DNAJC16: variants seen among roughly 807,000 people sequenced by gnomAD.
DNAJC16 encodes DnaJ heat shock protein family (Hsp40) member C16, also known as dnaJ homolog subfamily C member 16.
DNAJC16 carries 76 observed loss-of-function variants against 92.7 expected under a neutral mutation model. That is an observed-to-expected ratio of 0.82 (90% CI 0.68 to 0.99). The LOEUF (loss-of-function observed/expected upper bound fraction) is 0.99. Among genes scored for constraint, DNAJC16 ranks in the 50% least tolerant of loss-of-function variants. The pLI is 0.00. For synonymous variants in DNAJC16, 328 were observed against 358.7 expected (o/e 0.91, Z 0.97); for missense variants, 869 against 942.4 (o/e 0.92, Z 1.02).
intron 4 of DNAJC16, among the ~76,000 whole-genome samples, chr1:15,537,922 A>G (rs1710832092): frequency 6.6e-6 from 1 of 152,160 alleles, no homozygotes. Context: ...AAACTCACAT[A>G]AGAAACATAC....
rs1040734909 is a variant in DNAJC16 at position 15,534,434 on chromosome 1, A to C, written c.234+131A>C. ...TGATGCAGTTTCTAGATTATAATAG[A>C]GAGAACAGGCTGGATGCGGTGGCTC... On this transcript the variant is annotated intron_variant, in intron 3 of 14. Coordinates refer to ENST00000375847, the MANE Select transcript of DNAJC16 (RefSeq NM_015291.4). The C allele has an allele frequency of 8.5e-6, 8 of 939,448 alleles. No homozygotes were observed. In the African/African-American group the frequency reaches 1.4e-4, roughly 16 times the overall value. The allele number at this position is 939,448 out of a possible 1,614,324, so 58.2% of individuals were successfully genotyped here.
chr1:15,561,433 C>T (rs1638688123), intron 8 of DNAJC16, among the ~76,000 whole-genome samples: 1 of 152,132 alleles, frequency 6.6e-6, no homozygotes, highest in Non-Finnish European at 1.5e-5. Context: ...GCCTATAATC[C>T]CAGCACTTTG....
chr1:15,544,851 CTG>C (rs1638256032), intron 5 of DNAJC16, among the ~76,000 whole-genome samples: 1 of 152,158 alleles, frequency 6.6e-6, no homozygotes, highest in Non-Finnish European at 1.5e-5. Flanking sequence ...TCATAGGAAT[CTG>C]AGCCTAAAAT....
intron 6 of DNAJC16, among the ~76,000 whole-genome samples, chr1:15,547,386 C>G (rs1192971501): frequency 6.7e-6 from 1 of 150,370 alleles, no homozygotes; most frequent in Non-Finnish European, 1.5e-5. Flanking sequence ...GACCTTGTGA[C>G]CCACCTGCCT....
chr1:15,538,374 G>A (rs1188726805), intron 4 of DNAJC16, among the ~76,000 whole-genome samples: 2 of 151,030 alleles, frequency 1.3e-5, no homozygotes, highest in African/African-American at 4.9e-5. Flanking sequence ...CAGCCTGGGT[G>A]ACAGAGCGAG....
chr1:15,545,276 A>G (rs1275996974), intron 5 of DNAJC16, among the ~76,000 whole-genome samples: 1 of 152,242 alleles, frequency 6.6e-6, no homozygotes, highest in Non-Finnish European at 1.5e-5. Flanking sequence ...GTGAACATAA[A>G]AAATTTTCAT....
intron 5 of DNAJC16, among the ~76,000 whole-genome samples, chr1:15,545,704 A>G (rs1417142257): frequency 6.6e-6 from 1 of 152,244 alleles, no homozygotes; most frequent in Non-Finnish European, 1.5e-5. Flanking sequence ...AGGGCCTCAG[A>G]GCACCTTCAC....
chr1:15,529,991 G>C (rs1437831122), intron 2 of DNAJC16, among the ~76,000 whole-genome samples: 1 of 151,962 alleles, frequency 6.6e-6, no homozygotes, highest in Non-Finnish European at 1.5e-5. Context: ...AAAAAAGTCT[G>C]TACATGTTCA....
intron 6 of DNAJC16, among the ~76,000 whole-genome samples, 162 bp downstream of exon 6, chr1:15,547,033 C>T (rs1026853249): frequency 6.7e-6 from 1 of 149,326 alleles, no homozygotes; most frequent in Non-Finnish European, 1.5e-5. Context: ...AGAAATTTTA[C>T]ATAACCATCA....
At chr1:15,539,467 C>T (rs1358532917) in intron 4 of DNAJC16, among the ~76,000 whole-genome samples, 1 of 151,792 alleles carries the variant, frequency 6.6e-6, no homozygotes, top group Non-Finnish European at 1.5e-5. Flanking sequence ...AGGATGGTCT[C>T]GATCTCCTGA....
At chr1:15,554,069 G>A (rs535462093) in intron 7 of DNAJC16, among the ~76,000 whole-genome samples, 5 of 152,010 alleles carry the variant, frequency 3.3e-5, no homozygotes, top group Non-Finnish European at 5.9e-5. Context: ...TGGGTGTGGT[G>A]GTACACACCT....
In DNAJC16 at chr1:15,544,697, A is replaced by C. The variant is rs184214041; in HGVS notation, c.759+114A>C. The C allele has an allele frequency of 5.1e-6, 5 of 971,402 alleles. No individual in the cohort carries two copies. The East Asian group carries it at 9.9e-5, about 19-fold the overall frequency. 60.2% of individuals were successfully genotyped at this position (971,402 alleles called of 1,614,324 possible). ...CTCAAACCTGAGTTTCATTGTGAGG[A>C]AGGCATGACACTTATTAATTAATTA... On this transcript the variant is annotated intron_variant, in intron 5 of 14. Transcript: ENST00000375847.
intron 7 of DNAJC16, among the ~76,000 whole-genome samples, chr1:15,553,565 A>G (rs746858968): frequency 6.6e-6 from 1 of 152,202 alleles, no homozygotes; most frequent in African/African-American, 2.4e-5. Context: ...CTCACATTTT[A>G]AAATTATTTA....
In DNAJC16 at chr1:15,568,711, T is replaced by G. The variant is rs1463351408; in HGVS notation, c.*534T>G. On this transcript the variant is annotated 3_prime_UTR_variant, in exon 15 of 15. Coordinates refer to ENST00000375847, the MANE Select transcript of DNAJC16 (RefSeq NM_015291.4). ...CAAGCAATCTCACGTTTACTGGTTG[T>G]TCTGGGAGTAAGTGGCTAAATGTAT... The G allele has an allele frequency of 5.0e-6, 2 of 398,936 alleles. No individual in the cohort carries two copies. Among genetic ancestry groups the G allele is most frequent in the African/African-American group, 4.1e-5 (2 of 48,636 alleles). The allele number at this position is 398,936 out of a possible 1,614,324, so 24.7% of individuals were successfully genotyped here.
rs779580189 is a variant in DNAJC16, at chr1:15,567,852, C to G, written c.2024C>G (p.Ala675Gly). 6.2e-7 allele frequency: 1 copy of G among 1,614,198 alleles called. No homozygotes were observed. Among genetic ancestry groups the G allele is most frequent in the Non-Finnish European group, 8.5e-7 (1 of 1,180,028 alleles). Residue 675 changes from alanine (A) to glycine (G), a missense_variant, in exon 15 of 15, where the codon GCT becomes GGT. By Grantham distance (60) the Ala-to-Gly change is moderately conservative (BLOSUM62 0). Coordinates refer to ENST00000375847, the MANE Select transcript of DNAJC16 (RefSeq NM_015291.4). ...TGGCTAGAATACTTACTAGAATTTG[C>G]TCAAGATGCAGCTCCAATCCCAAAC... ...REWLEYLLEF[A>G]QDAAPIPNQY...
rs1441613048 is a variant in DNAJC16, at chr1:15,548,403, T to C, written c.998T>C (p.Ile333Thr). Residue 333 changes from isoleucine to threonine, a missense_variant, in exon 7 of 15, where the codon ATA (isoleucine) becomes ACA (threonine). Transcript: ENST00000375847. ...APTLLVFKEH[I>T]NRPADVIQAR... ...ACCCTCTTGGTCTTTAAAGAACATATAAACAGGCCTGCCGATGTTATCCAG... is the reference window on the plus strand; with the variant it reads ...ACCCTCTTGGTCTTTAAAGAACATACAAACAGGCCTGCCGATGTTATCCAG... 2 of 1,613,660 alleles carry C rather than the reference T, an allele frequency of 1.2e-6. No homozygotes were observed. Among genetic ancestry groups the C allele is most frequent in the South Asian group, 2.2e-5 (2 of 90,980 alleles).
At chr1:15,562,405 T>A in intron 9 of DNAJC16, 80 bp downstream of exon 9, 1 of 1,366,212 alleles carries the variant, frequency 7.3e-7, no homozygotes. Flanking sequence ...TCCTTGAGAG[T>A]GTTGAATACA....
In DNAJC16 at chr1:15,567,417, G is replaced by A. The variant is rs567835323; in HGVS notation, c.1949+148G>A. ...TGACCTTTCCAATCCAGACATCTGA[G>A]CCATTGCGACAGGGACCTCTTTTCC... On this transcript the variant is annotated intron_variant, in intron 14 of 14. Transcript: ENST00000375847. 15 of 829,448 alleles carry A rather than the reference G, an allele frequency of 1.8e-5. No homozygotes were observed. The Admixed American group carries it at 3.6e-4, about 20-fold the overall frequency. The allele number at this position is 829,448 out of a possible 1,614,324, so 51.4% of individuals were successfully genotyped here.
rs1638938842 is a variant in DNAJC16 at position 15,571,065 on chromosome 1, C to T, written c.*2888C>T. ...GGTGTTGCACAATTTTTATCTAACA[C>T]TGAGGCTATCAGCTCCAACTAAACA... On this transcript the variant is annotated 3_prime_UTR_variant, in exon 15 of 15. Coordinates refer to ENST00000375847, the MANE Select transcript of DNAJC16 (RefSeq NM_015291.4). The T allele has an allele frequency of 1.3e-5, 2 of 151,914 alleles. No homozygotes were observed. Among genetic ancestry groups the T allele is most frequent in the South Asian group, 4.1e-4 (2 of 4,832 alleles). The allele number at this position is 151,914 out of a possible 1,614,324, so 9.4% of individuals were successfully genotyped here.
Sources: allele counts gnomAD v4.1 joint callset (sites outside exome capture counted in the v4.1 genomes callset), GRCh38; gene constraint gnomAD v4.1.1; transcripts MANE v1.5; gene names NCBI Gene and HGNC (gene_info 2026-07-23, HGNC 2026-07-21).